ZNF407: variants seen among roughly 807,000 people sequenced by gnomAD.
ZNF407 encodes the protein zinc finger protein 407.
Under a neutral mutation model 131.2 loss-of-function variants are expected in ZNF407, and 17 were observed. The observed-to-expected ratio is 0.13, with a 90% confidence interval of 0.09 to 0.19. The LOEUF (loss-of-function observed/expected upper bound fraction) is 0.19. Among genes scored for constraint, ZNF407 ranks in the 10% least tolerant of loss-of-function variants. The pLI is 1.00. For missense variants in ZNF407, 2,681 were observed against 2,830.6 expected (o/e 0.95, Z 1.20); for synonymous variants, 1,156 against 1,062.0 (o/e 1.09, Z -1.72).
rs1274140927 is a variant in ZNF407, at chr18:74,634,046, A to G, written c.3027A>G (p.Arg1009=). 6.2e-7 allele frequency: 1 copy of G among 1,613,916 alleles called. No individual in the cohort carries two copies. Among genetic ancestry groups the G allele is most frequent in the African/African-American group, 1.3e-5 (1 of 74,934 alleles). ...AGCCGGGGGATGTGTACTCCCAGAG[A>G]GATGTTACAGGCACAGGTGAGAATA... ...FAQPGDVYSQ[R]DVTGTGENKC... Residue 1009 remains arginine (R), a synonymous_variant, in exon 2 of 9, where the codon AGA becomes AGG. Transcript: ENST00000299687.
At chr18:74,628,232 C>T (rs923550649) in intron 1 of ZNF407, among the ~76,000 whole-genome samples, 3 of 152,070 alleles carry the variant, frequency 2.0e-5, no homozygotes, top group Non-Finnish European at 2.9e-5. Flanking sequence ...TTATATTATA[C>T]ATAATATATG....
intron 4 of ZNF407, among the ~76,000 whole-genome samples, chr18:74,815,549 T>C (rs1970256422): frequency 6.6e-6 from 1 of 152,210 alleles, no homozygotes; most frequent in Admixed American, 6.5e-5. Flanking sequence ...ACTAGCAATA[T>C]GGGATATATT....
At chr18:75,033,211 G>C (rs1283174808) in intron 8 of ZNF407, among the ~76,000 whole-genome samples, 1 of 136,484 alleles carries the variant, frequency 7.3e-6, no homozygotes, top group Admixed American at 7.8e-5. Context: ...TGCTCGGAAT[G>C]GGGGGAAGAT....
intron 4 of ZNF407, among the ~76,000 whole-genome samples, chr18:74,867,772 CTATTA>C (rs1188227465): frequency 6.6e-6 from 1 of 152,188 alleles, no homozygotes; most frequent in African/African-American, 2.4e-5. Flanking sequence ...TCTAGCCATA[CTATTA>C]TATCAGTACA....
At chr18:75,003,423 C>G (rs1972871072) in intron 8 of ZNF407, among the ~76,000 whole-genome samples, 1 of 152,116 alleles carries the variant, frequency 6.6e-6, no homozygotes, top group Non-Finnish European at 1.5e-5. Context: ...TGTAGCCTTG[C>G]ATAGAGTTCT....
chr18:74,982,150 G>A (rs1001324254), intron 8 of ZNF407, among the ~76,000 whole-genome samples: 4 of 152,150 alleles, frequency 2.6e-5, no homozygotes, highest in Non-Finnish European at 2.9e-5. Flanking sequence ...ACAAATGTGC[G>A]GACTTTTTAG....
intron 4 of ZNF407, among the ~76,000 whole-genome samples, chr18:74,789,000 C>A (rs1299136910): frequency 2.0e-5 from 3 of 152,028 alleles, no homozygotes; most frequent in African/African-American, 7.2e-5. Flanking sequence ...TTTATTCTCT[C>A]AATAAACATT....
chr18:74,633,840 A>T lies in ZNF407; in HGVS notation c.2821A>T (p.Met941Leu). 1 of 1,614,002 alleles carries T rather than the reference A, an allele frequency of 6.2e-7. No individual in the cohort carries two copies. The highest frequency in any genetic ancestry group is 2.2e-5 in the East Asian group (1 of 44,882). ...AAAGAATGCTGGCTCAGCAGTGACCATGTCAGATGAACATGCTAACAAACC... is the reference window on the plus strand; with the variant it reads ...AAAGAATGCTGGCTCAGCAGTGACCTTGTCAGATGAACATGCTAACAAACC... The part of the protein sequence containing the change: ...GKKNAGSAVT[M>L]SDEHANKPAE... Residue 941 changes from methionine (M) to leucine (L), a missense_variant, in exon 2 of 9, where the codon ATG becomes TTG. Around this residue, in one of 6 missense-constraint regions of ZNF407, gnomAD observed 1,789 missense variants for 1,748.7 expected, o/e 1.02. Transcript: ENST00000299687.
chr18:75,055,432 A>G (rs192126730), intron 8 of ZNF407, among the ~76,000 whole-genome samples: 1 of 152,368 alleles, frequency 6.6e-6, no homozygotes, highest in African/African-American at 2.4e-5. Flanking sequence ...AAGCCCGTCA[A>G]GATAACCTTA....
intron 1 of ZNF407, among the ~76,000 whole-genome samples, chr18:74,606,373 T>C (rs529392266): frequency 6.6e-6 from 1 of 152,306 alleles, no homozygotes; most frequent in African/African-American, 2.4e-5. Context: ...TCTTATGACA[T>C]AATGGAGATA....
rs190122045 is a variant in ZNF407 at position 74,736,299 on chromosome 18, A to T, written c.4803-45129A>T. ...TTTAGGTAGAATTATTTTGAAGGAT[A>T]TTTCTAAAGATAGGATTAGAATAAT... On this transcript the variant is annotated intron_variant, in intron 3 of 8. Coordinates refer to ENST00000299687, the MANE Select transcript of ZNF407 (RefSeq NM_017757.3). Among the ~76,000 whole-genome samples, 1,521 of 152,294 alleles carry T rather than the reference A, an allele frequency of 1.0e-2. 11 individuals carry two copies. Among genetic ancestry groups the T allele is most frequent in the South Asian group, 0.02 (98 of 4,822 alleles).
At chr18:74,809,514 T>A (rs1442614710) in intron 4 of ZNF407, among the ~76,000 whole-genome samples, 1 of 152,234 alleles carries the variant, frequency 6.6e-6, no homozygotes, top group Non-Finnish European at 1.5e-5. Flanking sequence ...GGTGTCCCAG[T>A]GGTTTTTTCC....
At position 74,751,531 on chromosome 18, in the gene ZNF407, C is replaced by T. The variant is rs147907352; in HGVS notation, c.4803-29897C>T. On this transcript the variant is annotated intron_variant, in intron 3 of 8. Coordinates refer to ENST00000299687, the MANE Select transcript of ZNF407 (RefSeq NM_017757.3). ...ATGCTATCCCTCTCCCCTCCCCCCA[C>T]CACACGACAGGCCCCCATGTGTGAT... Among the ~76,000 whole-genome samples the T allele has an allele frequency of 2.0e-5, 3 of 151,950 alleles. No individual in the cohort carries two copies. In the South Asian group the frequency reaches 6.2e-4, roughly 32 times the overall value.
At chr18:74,774,233 C>G (rs1023745763) in intron 3 of ZNF407, among the ~76,000 whole-genome samples, 3 of 152,130 alleles carry the variant, frequency 2.0e-5, no homozygotes, top group African/African-American at 7.2e-5. Flanking sequence ...GGTTAAGTCT[C>G]TCTATCAAAG....
intron 4 of ZNF407, chr18:74,804,007 C>T (rs1970067375): frequency 6.4e-7 from 1 of 1,551,636 alleles, no homozygotes; most frequent in African/African-American, 1.4e-5. Flanking sequence ...GCCAGGAATA[C>T]AGAACAACAG....
chr18:74,737,294 A>G (rs1479735090), intron 3 of ZNF407, among the ~76,000 whole-genome samples: 1 of 152,326 alleles, frequency 6.6e-6, no homozygotes, highest in South Asian at 2.1e-4. Flanking sequence ...AAAATTTTGC[A>G]TATCTTTAGC....
chr18:74,929,692 A>G (rs1008807798), intron 8 of ZNF407, among the ~76,000 whole-genome samples: 1 of 152,226 alleles, frequency 6.6e-6, no homozygotes, highest in African/African-American at 2.4e-5. Flanking sequence ...CTGCAGAACA[A>G]GTTACTGTTC....
At chr18:74,693,261 A>G (rs1473679563) in intron 3 of ZNF407, among the ~76,000 whole-genome samples, 1 of 152,248 alleles carries the variant, frequency 6.6e-6, no homozygotes, top group Admixed American at 6.5e-5. Flanking sequence ...GAGAAAAGTT[A>G]GACTTTTGCA....
chr18:74,877,024 G>T lies in ZNF407; in HGVS notation c.4878-173G>T, dbSNP rs553681270. Among the ~76,000 whole-genome samples, 8 of 152,352 alleles carry T rather than the reference G, an allele frequency of 5.3e-5. No homozygotes were observed. The South Asian group carries it at 1.5e-3, about 28-fold the overall frequency. ...AGAGAATAAATGGCTGAAGTGCCAG[G>T]CCTCGACAGAAAAATCAATGCCTGG... On this transcript the variant is annotated intron_variant, in intron 4 of 8. Transcript: ENST00000299687.
Sources: gnomAD v4.1 joint callset for allele counts (sites outside exome capture counted in the v4.1 genomes callset) on GRCh38, gnomAD v4.1.1 for gene constraint, gnomAD v4.1.1 regional missense constraint, MANE v1.5 for transcripts, NCBI Gene and HGNC (gene_info 2026-07-23, HGNC 2026-07-21) for gene names.